The following CLTA variants were observed in gnomAD, a reference collection of about 807,000 sequenced individuals.
CLTA encodes clathrin, light polypeptide (Lca).
CLTA carries 9 observed loss-of-function variants against 26.9 expected under a neutral mutation model. That is an observed-to-expected ratio of 0.33 (90% CI 0.20 to 0.58). CLTA has a LOEUF of 0.58. Among genes scored for constraint, CLTA ranks in the 20% least tolerant of loss-of-function variants. The pLI, the probability that CLTA is intolerant of heterozygous loss-of-function variation, is 0.85. For synonymous variants in CLTA, 120 were observed against 115.5 expected (o/e 1.04, Z -0.25); for missense variants, 278 against 294.2 (o/e 0.94, Z 0.40).
upstream of CLTA, chr9:36,190,892 T>C (rs913716037): frequency 2.4e-6 from 3 of 1,274,046 alleles, no homozygotes; most frequent in African/African-American, 4.7e-5. Context: ...CAACACCGCC[T>C]AGACCGACCG....
intron 4 of CLTA, among the ~76,000 whole-genome samples, chr9:36,206,008 C>T (rs1004163264): frequency 2.6e-5 from 4 of 152,104 alleles, no homozygotes; most frequent in African/African-American, 9.7e-5. Flanking sequence ...GATCTGCCTT[C>T]CTTGGCCTCC....
At chr9:36,199,152 A>T (rs2132886554) in intron 3 of CLTA, 56 bp downstream of exon 3, 1 of 1,104,018 alleles carries the variant, frequency 9.1e-7, no homozygotes, top group Non-Finnish European at 1.4e-6. Flanking sequence ...GTTGAGCTGG[A>T]CTCTACTTTT....
At chr9:36,208,200 G>A (rs1827830513) in intron 4 of CLTA, among the ~76,000 whole-genome samples, 1 of 152,210 alleles carries the variant, frequency 6.6e-6, no homozygotes, top group South Asian at 2.1e-4. Flanking sequence ...AAGACTCCAT[G>A]AGGGAGGTTC....
chr9:36,195,874 A>G (rs1826997339), intron 1 of CLTA, among the ~76,000 whole-genome samples: 1 of 152,186 alleles, frequency 6.6e-6, no homozygotes, highest in Non-Finnish European at 1.5e-5. Flanking sequence ...AGGCTGAGGC[A>G]GGAGAATCAC....
intron 4 of CLTA, among the ~76,000 whole-genome samples, chr9:36,211,213 A>G (rs1219353318): frequency 2.6e-5 from 4 of 152,194 alleles, no homozygotes; most frequent in African/African-American, 9.7e-5. Context: ...AAGTCTCTAA[A>G]TTTCCTTGAA....
At chr9:36,197,719 T>A in intron 2 of CLTA, 131 bp downstream of exon 2, 1 of 665,534 alleles carries the variant, frequency 1.5e-6, no homozygotes, top group Non-Finnish European at 2.6e-6. Context: ...TGGTGTGTTA[T>A]CTACCAAAGT....
At chr9:36,202,883 G>T (rs534515248) in intron 3 of CLTA, among the ~76,000 whole-genome samples, 37 of 150,674 alleles carry the variant, frequency 2.5e-4, no homozygotes, top group Admixed American at 5.3e-4. Context: ...GTGCAGTGGT[G>T]CGATCTCAGC....
intron 4 of CLTA, among the ~76,000 whole-genome samples, chr9:36,208,407 A>T (rs1438115461): frequency 6.6e-6 from 1 of 152,200 alleles, no homozygotes. Context: ...ACCTTATCAA[A>T]GCCAATTGAG....
At chr9:36,200,773 G>A (rs985021585) in intron 3 of CLTA, among the ~76,000 whole-genome samples, 1 of 152,196 alleles carries the variant, frequency 6.6e-6, no homozygotes, top group Non-Finnish European at 1.5e-5. Flanking sequence ...CACAATTCAA[G>A]TGTGACTGAG....
intron 1 of CLTA, among the ~76,000 whole-genome samples, chr9:36,194,447 G>A (rs1393964873): frequency 1.3e-5 from 2 of 152,230 alleles, no homozygotes; most frequent in Non-Finnish European, 2.9e-5. Flanking sequence ...ATGCATGATA[G>A]TTAATTGTAC....
chr9:36,200,256 A>G (rs777837147), intron 3 of CLTA, among the ~76,000 whole-genome samples: 2 of 152,168 alleles, frequency 1.3e-5, no homozygotes, highest in Non-Finnish European at 2.9e-5. Context: ...AGAACAATTG[A>G]AAGGAGGAAA....
intron 4 of CLTA, among the ~76,000 whole-genome samples, chr9:36,207,703 A>C (rs747649113): frequency 6.6e-6 from 1 of 152,196 alleles, no homozygotes; most frequent in Non-Finnish European, 1.5e-5. Context: ...CTTGTCACTG[A>C]GGAGCTCTTT....
In CLTA at chr9:36,209,057, G is replaced by A. The variant is rs913068406; in HGVS notation, c.486-2546G>A. Among the ~76,000 whole-genome samples, 40 of 152,202 alleles carry A rather than the reference G, an allele frequency of 2.6e-4. 1 individual carries two copies. The highest frequency in any genetic ancestry group is 8.4e-4 in the African/African-American group (35 of 41,442). ...AAGTTGGCAGTGCTTGCTCTGTCGT[G>A]GAGCAGTCCCCACGTGGGAAGGCCA... On this transcript the variant is annotated intron_variant, in intron 4 of 4. Coordinates refer to ENST00000345519, the MANE Select transcript of CLTA (RefSeq NM_001833.4).
At position 36,190,928 on chromosome 9, in the gene CLTA, A is replaced by C. The variant is rs1175646721; in HGVS notation, c.-129A>C. On this transcript the variant is annotated 5_prime_UTR_variant, in exon 1 of 5. Coordinates refer to ENST00000345519, the MANE Select transcript of CLTA (RefSeq NM_001833.4). ...GATACACGGGTAGGGCTTCCGCTTT[A>C]CCCGTCTCCCTCCTGGCGCTTGTCC... 3 of 1,405,902 alleles carry C rather than the reference A, an allele frequency of 2.1e-6. No homozygotes were observed. Among genetic ancestry groups the C allele is most frequent in the African/African-American group, 1.5e-5 (1 of 66,288 alleles). The allele number at this position is 1,405,902 out of a possible 1,614,324, so 87.1% of individuals were successfully genotyped here. A position where few individuals can be genotyped will look rare whatever the true frequency, so the allele number is the denominator to read the frequency against.
At chr9:36,201,850 G>A (rs1230129993) in intron 3 of CLTA, among the ~76,000 whole-genome samples, 1 of 152,116 alleles carries the variant, frequency 6.6e-6, no homozygotes, top group Non-Finnish European at 1.5e-5. Flanking sequence ...TGTGGCTCAG[G>A]TCTGTAATCC....
intron 4 of CLTA, among the ~76,000 whole-genome samples, chr9:36,210,965 C>T (rs574893191): frequency 3.2e-4 from 48 of 152,368 alleles, no homozygotes; most frequent in African/African-American, 1.1e-3. Flanking sequence ...AAGCAACTCA[C>T]GTTGGCTCTC....
chr9:36,211,351 CAG>C, intron 4 of CLTA, among the ~76,000 whole-genome samples: 1 of 152,318 alleles, frequency 6.6e-6, no homozygotes, highest in Admixed American at 6.5e-5. Flanking sequence ...CAGAGACAGA[CAG>C]AGAGACATAG....
At chr9:36,192,092 T>C (rs1215508586) in intron 1 of CLTA, among the ~76,000 whole-genome samples, 1 of 152,038 alleles carries the variant, frequency 6.6e-6, no homozygotes, top group African/African-American at 2.4e-5. Flanking sequence ...GGATCATGAG[T>C]GGAAAAGACC....
intron 1 of CLTA, among the ~76,000 whole-genome samples, chr9:36,195,600 C>T (rs1239509285): frequency 6.6e-6 from 1 of 152,070 alleles, no homozygotes; most frequent in African/African-American, 2.4e-5. Context: ...AAATGGGGCA[C>T]TTGTGCTGCT....
Sources: gnomAD v4.1 joint callset for allele counts (sites outside exome capture counted in the v4.1 genomes callset) on GRCh38, gnomAD v4.1.1 for gene constraint, MANE v1.5 for transcripts, NCBI Gene and HGNC (gene_info 2026-07-23, HGNC 2026-07-21) for gene names.